SIK3: variants seen among roughly 807,000 people sequenced by gnomAD.
The protein encoded by SIK3 is serine/threonine-protein kinase SIK3.
Under a neutral mutation model 144.2 loss-of-function variants are expected in SIK3, and 28 were observed. The ratio of observed to expected loss-of-function variants is 0.19; its 90% CI spans 0.14 to 0.27. The LOEUF (loss-of-function observed/expected upper bound fraction) is 0.27. Among genes scored for constraint, SIK3 ranks in the 10% least tolerant of loss-of-function variants. SIK3 has a pLI of 1.00. For missense variants in SIK3, 1,319 were observed against 1,776.0 expected, an observed-to-expected ratio of 0.74 and a Z score of 4.62; for synonymous variants, 686 against 676.3, an observed-to-expected ratio of 1.01 and a Z score of -0.22.
chr11:116,905,863 T>A (rs1374291856), intron 4 of SIK3, among the ~76,000 whole-genome samples: 3 of 152,256 alleles, frequency 2.0e-5, no homozygotes, highest in Admixed American at 2.0e-4. Flanking sequence ...GATACAAATC[T>A]CTTATTAGAT....
At chr11:117,079,212 T>C (rs563641148) in intron 1 of SIK3, among the ~76,000 whole-genome samples, 2 of 152,202 alleles carry the variant, frequency 1.3e-5, no homozygotes, top group Non-Finnish European at 2.9e-5. Context: ...TTAAGTTGTA[T>C]AAAGCTATCA....
intron 1 of SIK3, among the ~76,000 whole-genome samples, chr11:117,023,546 T>A (rs1411044591): frequency 6.9e-6 from 1 of 145,304 alleles, no homozygotes; most frequent in Non-Finnish European, 1.5e-5. Context: ...GATGGGACTA[T>A]AGTCATGTGC....
chr11:117,052,540 C>T (rs1001862598), intron 1 of SIK3, among the ~76,000 whole-genome samples: 2 of 152,180 alleles, frequency 1.3e-5, no homozygotes, highest in Admixed American at 6.5e-5. Context: ...CTCTGAATCA[C>T]ATTTTAACAT....
intron 1 of SIK3, among the ~76,000 whole-genome samples, chr11:117,089,187 C>A (rs980008973): frequency 4.0e-5 from 6 of 151,824 alleles, no homozygotes; most frequent in Non-Finnish European, 8.8e-5. Context: ...GGGCAGATCA[C>A]GAGGTCAGGA....
intron 1 of SIK3, among the ~76,000 whole-genome samples, chr11:117,036,265 T>C (rs912496845): frequency 3.3e-5 from 5 of 151,966 alleles, no homozygotes; most frequent in African/African-American, 9.7e-5. Context: ...TTTCTCATAG[T>C]AACGTAAAGA....
In SIK3 at chr11:116,861,340, T is replaced by TG; in HGVS notation, c.2358dup (p.Asn787GlnfsTer9). Reference sequence around the variant, plus strand: ...TTACTGGGCTGCCTGAAGAGATGGTTGTTGGGGTGGTTGGGGGGTGGGCTT... The same window carrying TG: ...TTACTGGGCTGCCTGAAGAGATGGTTGGTTGGGGTGGTTGGGGGGTGGGCTT... On this transcript the variant is annotated frameshift_variant, in exon 19 of 25. Coordinates refer to ENST00000445177, the MANE Select transcript of SIK3 (RefSeq NM_001366686.3). LOFTEE classifies it high-confidence loss of function. 6.3e-7 allele frequency: 1 copy of TG among 1,596,404 alleles called. No homozygotes were observed.
At chr11:117,013,972 CTTTTTTTTT>C (rs71037442) in intron 1 of SIK3, among the ~76,000 whole-genome samples, 2 of 27,058 alleles carry the variant, frequency 7.4e-5, no homozygotes, top group Admixed American at 1.2e-3. Flanking sequence ...TTTTTCTTTT[CTTTTTTTTT>C]TTTTTTTTTT....
chr11:117,035,137 T>C (rs1952438651), intron 1 of SIK3, among the ~76,000 whole-genome samples: 1 of 152,208 alleles, frequency 6.6e-6, no homozygotes, highest in African/African-American at 2.4e-5. Flanking sequence ...AACAATAGGC[T>C]ATATATCATT....
chr11:116,887,947 TCAAA>T (rs1445220528), intron 6 of SIK3, among the ~76,000 whole-genome samples: 2 of 152,298 alleles, frequency 1.3e-5, no homozygotes, highest in Admixed American at 1.3e-4. Flanking sequence ...GAAACTTGTG[TCAAA>T]CAAACAACAC....
intron 1 of SIK3, among the ~76,000 whole-genome samples, chr11:117,081,293 T>TA (rs1402986622): frequency 1.3e-5 from 2 of 152,188 alleles, no homozygotes; most frequent in Admixed American, 1.3e-4. Context: ...ACACATGTAT[T>TA]AGAGAGGCAA....
chr11:116,923,816 G>A (rs1366165255), intron 4 of SIK3, among the ~76,000 whole-genome samples: 3 of 152,160 alleles, frequency 2.0e-5, no homozygotes, highest in Non-Finnish European at 4.4e-5. Flanking sequence ...ATATCAGCAG[G>A]TAGACACTCT....
intron 23 of SIK3, 114 bp downstream of exon 23, chr11:116,847,362 C>T (rs1942057009): frequency 7.1e-7 from 1 of 1,414,252 alleles, no homozygotes; most frequent in Non-Finnish European, 9.8e-7. Flanking sequence ...CTGTGGGATG[C>T]TGTGGCTCTA....
intron 1 of SIK3, among the ~76,000 whole-genome samples, chr11:117,056,466 T>A (rs527630108): frequency 6.6e-6 from 1 of 151,720 alleles, no homozygotes; most frequent in South Asian, 2.1e-4. Context: ...ATGGCACATG[T>A]ATACATATGT....
intron 1 of SIK3, among the ~76,000 whole-genome samples, chr11:117,051,443 G>T (rs1285730413): frequency 6.6e-6 from 1 of 152,004 alleles, no homozygotes; most frequent in Admixed American, 6.6e-5. Flanking sequence ...ACCTATCTAT[G>T]TATCTATTAT....
At chr11:116,962,559 G>A (rs1386895362) in intron 1 of SIK3, among the ~76,000 whole-genome samples, 5 of 152,150 alleles carry the variant, frequency 3.3e-5, no homozygotes, top group African/African-American at 1.2e-4. Context: ...TTTTTTCAAT[G>A]GGGTTATGTT....
chr11:116,979,166 T>C (rs1355395473), intron 1 of SIK3, among the ~76,000 whole-genome samples: 4 of 152,198 alleles, frequency 2.6e-5, no homozygotes, highest in Non-Finnish European at 4.4e-5. Flanking sequence ...TAACTATATT[T>C]TTAATTTTTC....
intron 1 of SIK3, among the ~76,000 whole-genome samples, chr11:117,080,825 G>C (rs1020460436): frequency 6.6e-6 from 1 of 151,992 alleles, no homozygotes; most frequent in African/African-American, 2.4e-5. Context: ...GCGCGCACCT[G>C]TAATCCCAGC....
chr11:116,861,861 GA>G lies in SIK3; in HGVS notation c.2294del (p.Leu765ProfsTer9). On this transcript the variant is annotated frameshift_variant, in exon 18 of 25. Coordinates refer to ENST00000445177, the MANE Select transcript of SIK3 (RefSeq NM_001366686.3). LOFTEE classifies it high-confidence loss of function. ...CATACCTCTGGAGCTGATGGGTAAG[GA>G]GGGCTGGCTGATTTTCACATGCAGC... ...LQAACENQPA[L>X]LTHQLQRLRI... The G allele has an allele frequency of 6.2e-7, 1 of 1,612,194 alleles. No individual in the cohort carries two copies. Among genetic ancestry groups the G allele is most frequent in the East Asian group, 2.2e-5 (1 of 44,872 alleles).
rs142344418 is a variant in SIK3, at chr11:116,949,918, CAG to C, written c.454+4124_454+4125del. 8.7e-3 allele frequency among the ~76,000 whole-genome samples: 1,321 copies of C among 152,170 alleles called. 40 individuals are homozygous for C. Among genetic ancestry groups the C allele is most frequent in the East Asian group, 0.085 (441 of 5,182 alleles). On this transcript the variant is annotated intron_variant, in intron 3 of 24. Transcript: ENST00000445177. ...TGTTTTTCTCCACAGGTAAAAATCT[CAG>C]AGTTAGGGCTCTGGAGCTGGGGTTG...
Sources: gnomAD v4.1 joint callset for allele counts (sites outside exome capture counted in the v4.1 genomes callset) on GRCh38, gnomAD v4.1.1 for gene constraint, MANE v1.5 for transcripts, NCBI Gene and HGNC (gene_info 2026-07-23, HGNC 2026-07-21) for gene names.